The following SEPTIN3 variants were observed in gnomAD, a reference collection of about 807,000 sequenced individuals.
SEPTIN3 encodes septin 3.
In SEPTIN3, 15 loss-of-function variants were observed where a neutral mutation model predicts 45.1. The ratio of observed to expected loss-of-function variants is 0.33; its 90% CI spans 0.22 to 0.51. SEPTIN3 has a LOEUF of 0.51. Among genes scored for constraint, SEPTIN3 ranks in the 20% least tolerant of loss-of-function variants. The pLI is 0.97. For missense variants in SEPTIN3, 289 were observed against 457.2 expected (o/e 0.63, Z 3.35); for synonymous variants, 148 against 164.8 (o/e 0.90, Z 0.78).
intron 2 of SEPTIN3, among the ~76,000 whole-genome samples, chr22:41,974,905 C>G (rs1984232434): frequency 6.7e-6 from 1 of 149,342 alleles, no homozygotes; most frequent in Admixed American, 6.6e-5. Context: ...CTCCTACCTC[C>G]TACGTGAAAA....
intron 2 of SEPTIN3, among the ~76,000 whole-genome samples, chr22:41,980,288 C>T (rs1472001195): frequency 1.3e-5 from 2 of 152,066 alleles, no homozygotes; most frequent in Non-Finnish European, 2.9e-5. Flanking sequence ...CAGGCGCCTG[C>T]CACCATGCCT....
intron 7 of SEPTIN3, among the ~76,000 whole-genome samples, chr22:41,990,418 G>C (rs1279568515): frequency 6.6e-6 from 1 of 151,778 alleles, no homozygotes; most frequent in Non-Finnish European, 1.5e-5. Context: ...GGGGCGATTT[G>C]AGAGAAATGA....
intron 2 of SEPTIN3, among the ~76,000 whole-genome samples, chr22:41,975,476 C>G (rs894763057): frequency 1.6e-4 from 25 of 152,330 alleles, no homozygotes; most frequent in African/African-American, 5.8e-4. Context: ...GAGATCTCAG[C>G]TCTCCCTCCA....
chr22:41,988,601 G>GT (rs1176895517), intron 6 of SEPTIN3, among the ~76,000 whole-genome samples: 7 of 152,174 alleles, frequency 4.6e-5, no homozygotes, highest in Non-Finnish European at 1.0e-4. Context: ...CAGAAGGCTG[G>GT]TTTTATCCCT....
intron 2 of SEPTIN3, among the ~76,000 whole-genome samples, chr22:41,974,616 T>C (rs761939008): frequency 6.7e-6 from 1 of 149,326 alleles, no homozygotes; most frequent in Non-Finnish European, 1.5e-5. Context: ...TGAGCCGAGA[T>C]TGCGCCACTG....
At position 41,989,436 on chromosome 22, in the gene SEPTIN3, G is replaced by A. The variant is rs187183170; in HGVS notation, c.2046-131G>A. 5.9e-4 allele frequency: 399 copies of A among 679,254 alleles called. No individual in the cohort carries two copies. In the African/African-American group the frequency reaches 6.5e-3, roughly 11 times the overall value. The allele number at this position is 679,254 out of a possible 1,614,324, so 42.1% of individuals were successfully genotyped here. A position where few individuals can be genotyped will look rare whatever the true frequency, so the allele number is the denominator to read the frequency against. The stretch of plus-strand genomic sequence containing the variant: ...AGTGGGGCTGTGTCGGAGACGAGAG[G>A]TAGCAGCCTCTTGGCCTCAGCCAGA... On this transcript the variant is annotated intron_variant, in intron 6 of 11. Transcript: ENST00000644076.
In SEPTIN3 at chr22:41,994,858, G is replaced by A. The variant is rs2078398328; in HGVS notation, c.2505+144G>A. 2 of 1,572,100 alleles carry A rather than the reference G, an allele frequency of 1.3e-6. No homozygotes were observed. Among genetic ancestry groups the A allele is most frequent in the Non-Finnish European group, 1.7e-6 (2 of 1,164,082 alleles). On this transcript the variant is annotated intron_variant, in intron 11 of 11. Coordinates refer to ENST00000644076, the MANE Select transcript of SEPTIN3 (RefSeq NM_001363845.2). This position sits in a 1 kb window ranked among gnomAD's most constrained non-coding sequence, Gnocchi z 4.2. Reference sequence around the variant, plus strand: ...CCTCTCAACTCTGTCCCACAGGCCTGTCTGGTATTTGTGGAGCATCTTGTC... The same window carrying A: ...CCTCTCAACTCTGTCCCACAGGCCTATCTGGTATTTGTGGAGCATCTTGTC...
rs190383339 is a variant in SEPTIN3, at chr22:41,993,831, G to T, written c.2360-459G>T. Among the ~76,000 whole-genome samples the T allele has an allele frequency of 3.7e-3, 559 of 152,246 alleles. 11 individuals are homozygous for T. In the South Asian group the frequency reaches 0.046, roughly 12 times the overall value. On this transcript the variant is annotated intron_variant, in intron 9 of 11. Transcript: ENST00000644076. ...CCTCATTCTGTTCCAACAGTGCTTG[G>T]CCAATGATTTGCAAATACTAGGTAT...
chr22:41,987,238 A>G lies in SEPTIN3; in HGVS notation c.1858A>G (p.Thr620Ala), dbSNP rs1349160744. 6.2e-7 allele frequency: 1 copy of G among 1,613,746 alleles called. No individual in the cohort carries two copies. Reference sequence around the variant, plus strand: ...GGAAGGCGGTGTCAAAATGAAGCTGACCGTCATCGACACCCCAGGCTTTGG... The same window carrying G: ...GGAAGGCGGTGTCAAAATGAAGCTGGCCGTCATCGACACCCCAGGCTTTGG... ...IEEGGVKMKL[T>A]VIDTPGFGDQ... is the part of the protein sequence containing the mutation. The change falls in exon 5 of 12, where the codon ACC (threonine) becomes GCC (alanine). Residue 620 changes from threonine to alanine, a missense_variant. By Grantham distance (58) the Thr-to-Ala change is moderately conservative. Around this residue, in one of 3 missense-constraint regions of SEPTIN3, gnomAD observed 200 missense variants for 315.1 expected, o/e 0.63. Coordinates refer to ENST00000644076, the MANE Select transcript of SEPTIN3 (RefSeq NM_001363845.2).
At chr22:41,977,541 C>T (rs2078049513) in intron 2 of SEPTIN3, among the ~76,000 whole-genome samples, 1 of 152,144 alleles carries the variant, frequency 6.6e-6, no homozygotes, top group Non-Finnish European at 1.5e-5. Context: ...TCCCAGGGCC[C>T]TCTGCTCCTG....
At position 41,976,945 on chromosome 22, in the gene SEPTIN3, C is replaced by T. The variant is rs920707737; in HGVS notation, c.1504+3949C>T. On this transcript the variant is annotated intron_variant, in intron 2 of 11. Transcript: ENST00000644076. The surrounding 1 kb of genome is among the most constrained non-coding windows in gnomAD (Gnocchi z 5.8). ...GCGGGCCGGGCGGGTGGGAGGAGAG[C>T]GCGAAGGGGCGAGGCCCGTTTGCAG... The T allele has an allele frequency of 6.7e-5, 56 of 833,410 alleles. No individual in the cohort carries two copies. Among genetic ancestry groups the T allele is most frequent in the Non-Finnish European group, 9.0e-5 (55 of 609,958 alleles). The allele number at this position is 833,410 out of a possible 1,614,324, so 51.6% of individuals were successfully genotyped here.
intron 3 of SEPTIN3, among the ~76,000 whole-genome samples, chr22:41,983,929 A>G (rs546881324): frequency 6.6e-6 from 1 of 152,346 alleles, no homozygotes; most frequent in African/African-American, 2.4e-5. Flanking sequence ...TTTTAGGACA[A>G]CACTTGGCAC....
chr22:41,994,761 C>T lies in SEPTIN3; in HGVS notation c.2505+47C>T, dbSNP rs1482564231. 1.2e-6 allele frequency: 2 copies of T among 1,613,980 alleles called. No homozygotes were observed. The highest frequency in any genetic ancestry group is 3.3e-5 in the Admixed American group (2 of 60,026). ...AGCCACGACAGTAACCCATGACGAC[C>T]ACTTCTCTGTGTCATCACACATACC... is the stretch of plus-strand genomic sequence containing the variant. On this transcript the variant is annotated intron_variant, in intron 11 of 11. Coordinates refer to ENST00000644076, the MANE Select transcript of SEPTIN3 (RefSeq NM_001363845.2). The surrounding 1 kb of genome is among the most constrained non-coding windows in gnomAD (Gnocchi z 4.2).
chr22:41,996,826 C>T (rs1437937155), intron 11 of SEPTIN3, 76 bp from the exon 12 acceptor site: 2 of 1,596,342 alleles, frequency 1.3e-6, no homozygotes, highest in Non-Finnish European at 1.7e-6. Flanking sequence ...TCTGAGCCTC[C>T]CTGGAGAAGG....
intron 4 of SEPTIN3, 43 bp downstream of exon 4, chr22:41,986,155 T>C (rs1454594549): frequency 6.2e-7 from 1 of 1,603,058 alleles, no homozygotes; most frequent in Non-Finnish European, 8.5e-7. Flanking sequence ...GTTCAGTGAG[T>C]GCCTCTGCTG....
Position 41,997,050 on chromosome 22 carries a change from G to C in SEPTIN3, c.*83G>C, listed in dbSNP as rs540197206. ...CCAAGCCCTTTTTAGTGCTGTGCTC[G>C]TCCAGCTCACCACCACAGCCCCTCT... On this transcript the variant is annotated 3_prime_UTR_variant, in exon 12 of 12. Coordinates refer to ENST00000644076, the MANE Select transcript of SEPTIN3 (RefSeq NM_001363845.2). 2.4e-4 allele frequency: 380 copies of C among 1,603,056 alleles called. No homozygotes were observed. The highest frequency in any genetic ancestry group is 3.0e-4 in the Non-Finnish European group (351 of 1,175,186).
At chr22:41,981,574 A>G in intron 2 of SEPTIN3, 71 bp from the exon 3 acceptor site, 2 of 1,307,644 alleles carry the variant, frequency 1.5e-6, no homozygotes, top group Non-Finnish European at 2.1e-6. Context: ...AGAGAAAAAT[A>G]CCATGGTTTC....
rs1921046943 is a variant in SEPTIN3, at chr22:41,997,896, T to G, written c.*929T>G. The G allele has an allele frequency of 6.5e-6, 1 of 152,692 alleles. No homozygotes were observed. The highest frequency in any genetic ancestry group is 1.5e-5 in the Non-Finnish European group (1 of 68,074). 9.5% of individuals were successfully genotyped at this position (152,692 alleles called of 1,614,324 possible). ...TCAGATGCATGAATGTTTGCGAATGTTGACTGCCACTGCCCCACACACTGT... is the reference window on the plus strand; with the variant it reads ...TCAGATGCATGAATGTTTGCGAATGGTGACTGCCACTGCCCCACACACTGT... On this transcript the variant is annotated 3_prime_UTR_variant, in exon 12 of 12. Coordinates refer to ENST00000644076, the MANE Select transcript of SEPTIN3 (RefSeq NM_001363845.2).
At chr22:41,983,235 C>T (rs546235137) in intron 3 of SEPTIN3, among the ~76,000 whole-genome samples, 2 of 152,286 alleles carry the variant, frequency 1.3e-5, no homozygotes, top group Admixed American at 1.3e-4. Context: ...TATAAAAAAC[C>T]TCCACTGAGC....
Sources: allele counts gnomAD v4.1 joint callset (sites outside exome capture counted in the v4.1 genomes callset), GRCh38; gene constraint gnomAD v4.1.1; regional missense constraint gnomAD v4.1.1; non-coding constraint Gnocchi (gnomAD v3.1); transcripts MANE v1.5; gene names NCBI Gene and HGNC (gene_info 2026-07-23, HGNC 2026-07-21).